The following NOS1AP variants were observed in gnomAD, a reference collection of about 807,000 sequenced individuals.
NOS1AP encodes nitric oxide synthase 1 adaptor protein.
NOS1AP carries 21 observed loss-of-function variants against 56.2 expected under a neutral mutation model. The observed-to-expected ratio is 0.37, with a 90% confidence interval of 0.26 to 0.54. The LOEUF is 0.54. NOS1AP is among the 20% of genes least tolerant of loss of function. NOS1AP has a pLI of 0.84. For missense variants in NOS1AP, 522 were observed against 657.8 expected, an observed-to-expected ratio of 0.79 and a Z score of 2.26; for synonymous variants, 270 against 274.6, an observed-to-expected ratio of 0.98 and a Z score of 0.17.
chr1:162,134,192 A>G (rs1648879736), intron 1 of NOS1AP, among the ~76,000 whole-genome samples: 1 of 152,104 alleles, frequency 6.6e-6, no homozygotes, highest in South Asian at 2.1e-4. Context: ...TGGATAATTT[A>G]TCTCAAAGCA....
intron 1 of NOS1AP, among the ~76,000 whole-genome samples, chr1:162,071,248 C>T (rs1691654806): frequency 6.6e-6 from 1 of 152,156 alleles, no homozygotes; most frequent in African/African-American, 2.4e-5. Context: ...AGTATTGTCC[C>T]TCTAAGTAGG....
chr1:162,234,364 A>G (rs1225568928), intron 2 of NOS1AP, among the ~76,000 whole-genome samples: 1 of 152,234 alleles, frequency 6.6e-6, no homozygotes, highest in Non-Finnish European at 1.5e-5. Flanking sequence ...GAGTGTTCCT[A>G]TTCCATAGAT....
intron 2 of NOS1AP, among the ~76,000 whole-genome samples, chr1:162,176,268 A>G (rs902584889): frequency 2.6e-5 from 4 of 152,146 alleles, no homozygotes; most frequent in African/African-American, 9.7e-5. Context: ...ACATTACAGT[A>G]TCATACAGAA....
chr1:162,357,782 C>A (rs1212243997), intron 8 of NOS1AP, among the ~76,000 whole-genome samples: 2 of 152,024 alleles, frequency 1.3e-5, no homozygotes, highest in South Asian at 4.1e-4. Flanking sequence ...AAAACTTGTT[C>A]GGGGGCTGCT....
chr1:162,268,621 T>C (rs1654495053), intron 2 of NOS1AP, among the ~76,000 whole-genome samples: 1 of 151,554 alleles, frequency 6.6e-6, no homozygotes, highest in East Asian at 1.9e-4. Context: ...CCAAAATAAA[T>C]AGAAGGAGGA....
At chr1:162,128,462 T>C (rs1457038894) in intron 1 of NOS1AP, among the ~76,000 whole-genome samples, 2 of 152,180 alleles carry the variant, frequency 1.3e-5, no homozygotes, top group African/African-American at 4.8e-5. Flanking sequence ...TCACAAAGTA[T>C]TCATTTCTTA....
intron 2 of NOS1AP, among the ~76,000 whole-genome samples, chr1:162,281,485 T>G (rs901782930): frequency 6.6e-6 from 1 of 152,154 alleles, no homozygotes; most frequent in African/African-American, 2.4e-5. Context: ...CAGTGAGTGA[T>G]AATAGAGGCT....
intron 2 of NOS1AP, among the ~76,000 whole-genome samples, chr1:162,189,756 C>T (rs1469428261): frequency 1.3e-5 from 2 of 152,068 alleles, no homozygotes; most frequent in Non-Finnish European, 2.9e-5. Context: ...GGTAATGTGA[C>T]GGAGAGTGAT....
At chr1:162,220,677 C>T (rs1008967486) in intron 2 of NOS1AP, among the ~76,000 whole-genome samples, 6 of 152,054 alleles carry the variant, frequency 3.9e-5, no homozygotes, top group African/African-American at 9.7e-5. Flanking sequence ...CTTTCCATTC[C>T]GGCTTTAAAT....
chr1:162,105,157 T>G (rs1199074450), intron 1 of NOS1AP, among the ~76,000 whole-genome samples: 5 of 152,244 alleles, frequency 3.3e-5, no homozygotes, highest in African/African-American at 1.2e-4. Flanking sequence ...CATTCTCCTG[T>G]AGCACTGCTG....
At chr1:162,314,541 G>C (rs115968172) in intron 4 of NOS1AP, among the ~76,000 whole-genome samples, 3,638 of 152,272 alleles carry the variant, frequency 0.024, 68 homozygotes, top group Non-Finnish European at 0.036. Context: ...TTTAGAATTT[G>C]TGCAAAACAT....
chr1:162,321,326 C>T (rs1013865165), intron 4 of NOS1AP, among the ~76,000 whole-genome samples: 5 of 152,116 alleles, frequency 3.3e-5, no homozygotes, highest in Admixed American at 2.6e-4. Flanking sequence ...ACCCAAATGT[C>T]CAACAATGAT....
At chr1:162,240,640 C>T (rs904107867) in intron 2 of NOS1AP, among the ~76,000 whole-genome samples, 18 of 152,214 alleles carry the variant, frequency 1.2e-4, no homozygotes, top group Non-Finnish European at 2.2e-4. Flanking sequence ...AAAGATAAAA[C>T]ATCAGCGTGT....
At chr1:162,199,394 G>A (rs1651911265) in intron 2 of NOS1AP, among the ~76,000 whole-genome samples, 1 of 152,176 alleles carries the variant, frequency 6.6e-6, no homozygotes, top group Admixed American at 6.5e-5. Flanking sequence ...GATGAAGTGA[G>A]GATAAATAGC....
intron 8 of NOS1AP, chr1:162,363,780 C>A: frequency 1.0e-6 from 1 of 985,330 alleles, no homozygotes; most frequent in Non-Finnish European, 1.2e-6. Flanking sequence ...CACCTGTTCT[C>A]ACCCCTCCCC....
chr1:162,293,444 A>T (rs1280575859), intron 3 of NOS1AP, among the ~76,000 whole-genome samples: 1 of 152,210 alleles, frequency 6.6e-6, no homozygotes, highest in Admixed American at 6.5e-5. Context: ...GACCACTGTG[A>T]TAATTATTCC....
intron 1 of NOS1AP, among the ~76,000 whole-genome samples, chr1:162,145,863 GA>G (rs1474204579): frequency 6.6e-6 from 1 of 152,184 alleles, no homozygotes; most frequent in Admixed American, 6.5e-5. Flanking sequence ...TAGACAGGGA[GA>G]CCAGACTGCA....
intron 4 of NOS1AP, among the ~76,000 whole-genome samples, chr1:162,309,511 C>T (rs1391380109): frequency 6.6e-6 from 1 of 152,118 alleles, no homozygotes; most frequent in South Asian, 2.1e-4. Context: ...TCCTTAAATA[C>T]CTTTTTATTA....
intron 1 of NOS1AP, among the ~76,000 whole-genome samples, chr1:162,083,607 C>G (rs539317505): frequency 6.6e-6 from 1 of 152,148 alleles, no homozygotes; most frequent in Non-Finnish European, 1.5e-5. Context: ...AGACTATATT[C>G]TGGGCACCTG....
Sources: allele counts gnomAD v4.1 joint callset (sites outside exome capture counted in the v4.1 genomes callset), GRCh38; gene constraint gnomAD v4.1.1; transcripts MANE v1.5; gene names NCBI Gene and HGNC (gene_info 2026-07-23, HGNC 2026-07-21).